TRPM2: variants seen among roughly 807,000 people sequenced by gnomAD.
The protein encoded by TRPM2 is transient receptor potential cation channel subfamily M member 2.
A neutral mutation model predicts 174.0 loss-of-function variants in TRPM2; 161 were observed. The ratio of observed to expected loss-of-function variants is 0.93; its 90% CI spans 0.81 to 1.05. The LOEUF is 1.05. Ranked by LOEUF, TRPM2 falls within the 50% of genes least tolerant of loss-of-function variation. The probability of loss-of-function intolerance (pLI) is 0.00; values close to 1 mark genes in which losing one functional copy is unlikely to be tolerated. For missense variants in TRPM2, 2,057 were observed against 2,038.0 expected, an observed-to-expected ratio of 1.01 and a Z score of -0.18; for synonymous variants, 954 against 861.3, an observed-to-expected ratio of 1.11 and a Z score of -1.88.
chr21:44,426,549 G>A, intron 25 of TRPM2, 111 bp from the exon 26 acceptor site: 1 of 1,098,762 alleles, frequency 9.1e-7, no homozygotes, highest in Non-Finnish European at 1.4e-6. Flanking sequence ...CTGCATGTTG[G>A]GATGTTGGGG....
At chr21:44,355,310 C>T (rs1405105882) in intron 2 of TRPM2, among the ~76,000 whole-genome samples, 2 of 152,214 alleles carry the variant, frequency 1.3e-5, no homozygotes, top group East Asian at 1.9e-4. Flanking sequence ...CCTCCGGAGC[C>T]GATGGTGCTC....
chr21:44,389,527 G>A (rs115715179), intron 9 of TRPM2, among the ~76,000 whole-genome samples: 374 of 152,298 alleles, frequency 2.5e-3, no homozygotes, highest in African/African-American at 8.6e-3. Context: ...GTGGATGAGC[G>A]TTACCCTACA....
At chr21:44,419,310 C>G (rs1304070408) in intron 22 of TRPM2, among the ~76,000 whole-genome samples, 3 of 152,108 alleles carry the variant, frequency 2.0e-5, no homozygotes, top group African/African-American at 7.2e-5. Flanking sequence ...AGTGCCCTCC[C>G]CCTTAGAGAC....
chr21:44,427,804 C>T (rs1271564547), intron 27 of TRPM2, among the ~76,000 whole-genome samples: 1 of 152,056 alleles, frequency 6.6e-6, no homozygotes, highest in Non-Finnish European at 1.5e-5. Flanking sequence ...TGCCTGGAGC[C>T]GGAGGTTGAG....
chr21:44,380,493 G>T (rs1027000865), intron 8 of TRPM2, among the ~76,000 whole-genome samples: 3 of 152,188 alleles, frequency 2.0e-5, no homozygotes, highest in African/African-American at 7.2e-5. Context: ...GTTGTTGAAA[G>T]GTGCCTATTT....
chr21:44,427,910 G>A (rs757750916), intron 27 of TRPM2, among the ~76,000 whole-genome samples: 9 of 152,122 alleles, frequency 5.9e-5, no homozygotes, highest in Non-Finnish European at 8.8e-5. Flanking sequence ...GGGGTATGTG[G>A]GACGGGCAAG....
chr21:44,361,994 C>T (rs1426997345), intron 2 of TRPM2, among the ~76,000 whole-genome samples: 1 of 152,230 alleles, frequency 6.6e-6, no homozygotes, highest in Non-Finnish European at 1.5e-5. Context: ...CAGGCGTGAG[C>T]CACTGCTTAC....
At chr21:44,404,289 CAT>C (rs35501246) in intron 16 of TRPM2, among the ~76,000 whole-genome samples, 5,476 of 151,308 alleles carry the variant, frequency 0.036, 278 homozygotes, top group African/African-American at 0.11. Flanking sequence ...TGTGCATACA[CAT>C]ATACATGCAC....
At chr21:44,353,894 T>G (rs887034317) in intron 1 of TRPM2, 29 bp downstream of exon 1, 12 of 1,587,944 alleles carry the variant, frequency 7.6e-6, no homozygotes, top group Non-Finnish European at 1.0e-5. Context: ...AGCCTGCAGT[T>G]GGCACGTGGC....
intron 23 of TRPM2, among the ~76,000 whole-genome samples, chr21:44,424,016 G>A (rs796212206): frequency 8.5e-5 from 13 of 152,294 alleles, no homozygotes; most frequent in African/African-American, 3.1e-4. Flanking sequence ...CTCCCCTCCC[G>A]GCCTCCAGGG....
intron 8 of TRPM2, among the ~76,000 whole-genome samples, chr21:44,382,224 A>G (rs141950163): frequency 1.4e-3 from 211 of 152,236 alleles, no homozygotes; most frequent in African/African-American, 4.4e-3. Context: ...GGATGGATAG[A>G]TAGATTTATA....
At position 44,402,039 on chromosome 21, in the gene TRPM2, C is replaced by A. The variant is rs532070570; in HGVS notation, c.2538+142C>A. On this transcript the variant is annotated intron_variant, in intron 16 of 31. Transcript: ENST00000397928. The stretch of plus-strand genomic sequence containing the variant: ...CTGAGCAGAGCCGGTGTTTCCTCCC[C>A]AAAATGGGTGGCTGGGGCGCTGCCC... The A allele has an allele frequency of 4.7e-5, 46 of 969,932 alleles. No homozygotes were observed. In the African/African-American group the frequency reaches 5.9e-4, roughly 13 times the overall value. The allele number at this position is 969,932 out of a possible 1,614,324, so 60.1% of individuals were successfully genotyped here.
chr21:44,358,534 C>G (rs1323609152), intron 2 of TRPM2, among the ~76,000 whole-genome samples: 1 of 152,200 alleles, frequency 6.6e-6, no homozygotes, highest in African/African-American at 2.4e-5. Context: ...GGATCAGTGT[C>G]CGCAATGCAG....
At chr21:44,394,787 A>G (rs1270011131) in intron 11 of TRPM2, among the ~76,000 whole-genome samples, 1 of 152,196 alleles carries the variant, frequency 6.6e-6, no homozygotes, top group Admixed American at 6.5e-5. Flanking sequence ...AAAAACCTTC[A>G]GGAAATTTCT....
chr21:44,378,952 C>T (rs760326030), intron 7 of TRPM2, 45 bp from the exon 8 acceptor site: 44 of 1,569,182 alleles, frequency 2.8e-5, no homozygotes, highest in South Asian at 1.2e-4. Context: ...AGCATCGGAG[C>T]GGTGAGGACC....
chr21:44,377,736 T>C lies in TRPM2; in HGVS notation c.977T>C (p.Val326Ala). Residue 326 changes from valine to alanine, a missense_variant, in exon 7 of 32, where the codon GTG becomes GCG. Transcript: ENST00000397928. ...GGTGTGGCCATCAAGATCCCCATCGTGTGCGTGGTGCTGGAGGGCGGCCCG... is the reference window on the plus strand; with the variant it reads ...GGTGTGGCCATCAAGATCCCCATCGCGTGCGTGGTGCTGGAGGGCGGCCCG... Reference protein sequence around the residue: ...RGGVAIKIPIVCVVLEGGPGT... With the variant: ...RGGVAIKIPIACVVLEGGPGT... 6.2e-7 allele frequency: 1 copy of C among 1,614,194 alleles called. No individual in the cohort carries two copies. The highest frequency in any genetic ancestry group is 8.5e-7 in the Non-Finnish European group (1 of 1,180,032).
In TRPM2 at chr21:44,406,759, A is replaced by C; in HGVS notation, c.2956A>C (p.Ile986Leu). The part of the protein sequence containing the change: ...LTIFGQIPGY[I>L]DGVNFNPEHC... Reference sequence around the variant, plus strand: ...CATCTTCGGGCAGATCCCGGGCTACATCGACGGTAGGAGCCGGGCGCCATG... The same window carrying C: ...CATCTTCGGGCAGATCCCGGGCTACCTCGACGGTAGGAGCCGGGCGCCATG... Residue 986 changes from isoleucine (I) to leucine (L), a missense_variant, in exon 19 of 32, where the codon ATC becomes CTC. Physicochemically the swap from Ile to Leu is conservative, Grantham distance 5. Coordinates refer to ENST00000397928, the MANE Select transcript of TRPM2 (RefSeq NM_003307.4). 6.2e-7 allele frequency: 1 copy of C among 1,602,588 alleles called. No homozygotes were observed. The highest frequency in any genetic ancestry group is 2.2e-5 in the East Asian group (1 of 44,578).
chr21:44,403,547 CACACACATACATACATGCATATGT>C (rs1158855974), intron 16 of TRPM2, among the ~76,000 whole-genome samples: 1 of 140,358 alleles, frequency 7.1e-6, no homozygotes, highest in African/African-American at 3.1e-5. Flanking sequence ...CACATAGGCA[CACACACATACATACATGCATATGT>C]ACACACATAC....
At chr21:44,402,711 G>C (rs1254018077) in intron 16 of TRPM2, among the ~76,000 whole-genome samples, 1 of 152,188 alleles carries the variant, frequency 6.6e-6, no homozygotes, top group African/African-American at 2.4e-5. Flanking sequence ...GCTGGGCGAG[G>C]CCAAGCTGCC....
Sources: allele counts gnomAD v4.1 joint callset (sites outside exome capture counted in the v4.1 genomes callset), GRCh38; gene constraint gnomAD v4.1.1; transcripts MANE v1.5; gene names NCBI Gene and HGNC (gene_info 2026-07-23, HGNC 2026-07-21).